The following IQCE variants were observed in gnomAD, a reference collection of about 807,000 sequenced individuals.
The protein encoded by IQCE is IQ motif containing E, also known as IQ domain-containing protein E.
Under a neutral mutation model 96.0 loss-of-function variants are expected in IQCE, and 115 were observed. The ratio of observed to expected loss-of-function variants is 1.20; its 90% CI spans 1.03 to 1.40. The LOEUF (loss-of-function observed/expected upper bound fraction) is 1.40, where lower values mean the gene tolerates loss of function less well. Among genes scored for constraint, IQCE ranks in the 40% most tolerant of loss-of-function variants. The probability of loss-of-function intolerance (pLI) is 0.00; values close to 1 mark genes in which losing one functional copy is unlikely to be tolerated. For synonymous variants in IQCE, 412 were observed against 371.2 expected (o/e 1.11, Z -1.26); for missense variants, 1,041 against 909.1 (o/e 1.15, Z -1.87).
In IQCE at chr7:2,594,871, C is replaced by A; in HGVS notation, c.1350-15C>A. 1 of 1,568,170 alleles carries A rather than the reference C, an allele frequency of 6.4e-7. No homozygotes were observed. On this transcript the variant is annotated splice_polypyrimidine_tract_variant and intron_variant, in intron 15 of 21. Transcript: ENST00000402050. ...TGACAGGTGAGGTGTCTCATCTTTT[C>A]CCTTTCCGCCTTAGAGAGGAGATTC...
At chr7:2,583,100 C>G (rs1341380350) in intron 9 of IQCE, among the ~76,000 whole-genome samples, 2 of 152,174 alleles carry the variant, frequency 1.3e-5, no homozygotes, top group African/African-American at 2.4e-5. Context: ...CCCCTCGTTT[C>G]CTGCCGAATT....
intron 18 of IQCE, among the ~76,000 whole-genome samples, chr7:2,603,902 G>T (rs1042524891): frequency 1.3e-5 from 2 of 152,062 alleles, no homozygotes; most frequent in Non-Finnish European, 2.9e-5. Context: ...TATCAGGCTG[G>T]GAGGGTTCAC....
intron 15 of IQCE, among the ~76,000 whole-genome samples, chr7:2,594,354 A>G (rs1783851445): frequency 7.4e-6 from 1 of 134,666 alleles, no homozygotes; most frequent in African/African-American, 2.9e-5. Context: ...GAAAGGGCAC[A>G]TGTGCAGAAA....
chr7:2,569,107 T>C, intron 3 of IQCE, 108 bp downstream of exon 3: 1 of 1,069,624 alleles, frequency 9.3e-7, no homozygotes, highest in Non-Finnish European at 1.4e-6. Context: ...ACCTGACGCC[T>C]CAGCCAGTTG....
intron 18 of IQCE, among the ~76,000 whole-genome samples, chr7:2,602,910 C>T (rs1014003258): frequency 2.6e-5 from 4 of 152,344 alleles, no homozygotes; most frequent in African/African-American, 7.2e-5. Flanking sequence ...CACAGCCACA[C>T]GAGCGCCCTC....
rs757748103 is a variant in IQCE, at chr7:2,607,153, C to A, written c.1895C>A (p.Ala632Asp). Residue 632 changes from alanine (A) to aspartate (D), a missense_variant, in exon 21 of 22, where the codon GCT (alanine) becomes GAT (aspartate). Transcript: ENST00000402050. ...ACCGGTAAAAGAACCACCACCGCAG[C>A]TTCTACCAGGAGGAGATCGGCTTCA... ...SATGKRTTTA[A>D]STRRRSASAT... The A allele has an allele frequency of 2.5e-5, 41 of 1,609,030 alleles. No homozygotes were observed. The highest frequency in any genetic ancestry group is 3.1e-5 in the Non-Finnish European group (37 of 1,178,112).
At chr7:2,588,403 G>C (rs1239867598) in intron 13 of IQCE, among the ~76,000 whole-genome samples, 1 of 151,106 alleles carries the variant, frequency 6.6e-6, no homozygotes, top group African/African-American at 2.4e-5. Flanking sequence ...CCCCAGGCTG[G>C]AGTGCAGTGG....
In IQCE at chr7:2,571,527, G is replaced by A. The variant is rs774561544; in HGVS notation, c.132G>A (p.Lys44=). ...AFHKPPPTSP[K]SPYLSKPRKV... ...GAATCCACGTGTTGGCTTTTCCAGA[G>A]TCACCTTATCTCTCTAAGCCGAGAA... The change falls in exon 4 of 22, where the codon AAG becomes AAA. Residue 44 remains lysine, a splice_region_variant and synonymous_variant. Transcript: ENST00000402050. The A allele has an allele frequency of 6.2e-7, 1 of 1,606,324 alleles. No individual in the cohort carries two copies. The highest frequency in any genetic ancestry group is 8.5e-7 in the Non-Finnish European group (1 of 1,179,956).
Position 2,559,152 on chromosome 7 carries a change from C to T in IQCE, c.-30C>T. 2.5e-6 allele frequency: 3 copies of T among 1,212,956 alleles called. No homozygotes were observed. Among genetic ancestry groups the T allele is most frequent in the Non-Finnish European group, 3.1e-6 (3 of 975,206 alleles). The allele number at this position is 1,212,956 out of a possible 1,614,324, so 75.1% of individuals were successfully genotyped here. A position where few individuals can be genotyped will look rare whatever the true frequency, so the allele number is the denominator to read the frequency against. On this transcript the variant is annotated 5_prime_UTR_variant, in exon 1 of 22. Coordinates refer to ENST00000402050, the MANE Select transcript of IQCE (RefSeq NM_152558.5). ...AGACCCGGACGCCCGAGCCAGCAAC[C>T]CTGAGGGGCGGCCGGGCAGCGCCGC...
intron 21 of IQCE, among the ~76,000 whole-genome samples, chr7:2,608,911 T>G (rs921197657): frequency 7.2e-5 from 11 of 152,256 alleles, no homozygotes; most frequent in Admixed American, 4.6e-4. Context: ...CCCTTTAATA[T>G]GAATTTTCTT....
At chr7:2,586,157 G>A (rs760167231) in intron 11 of IQCE, 51 bp from the exon 12 acceptor site, 20 of 1,550,538 alleles carry the variant, frequency 1.3e-5, no homozygotes, top group Middle Eastern at 1.7e-4. Context: ...TCAAGCATGT[G>A]TGAAACCAGC....
intron 1 of IQCE, chr7:2,559,446 A>C: frequency 3.6e-6 from 1 of 279,218 alleles, no homozygotes; most frequent in Non-Finnish European, 6.6e-6. Context: ...CGCTTCCAGG[A>C]AGCTCTCCGG....
At chr7:2,589,848 T>G (rs1783439735) in intron 13 of IQCE, 59 bp from the exon 14 acceptor site, 8 of 1,533,148 alleles carry the variant, frequency 5.2e-6, no homozygotes, top group South Asian at 2.2e-5. Flanking sequence ...TTTCTGGGTT[T>G]GGTAAATAGA....
intron 6 of IQCE, among the ~76,000 whole-genome samples, chr7:2,576,004 A>G (rs1418040446): frequency 1.3e-5 from 2 of 152,174 alleles, no homozygotes; most frequent in African/African-American, 4.8e-5. Flanking sequence ...TAGAGCTCCC[A>G]TCTTCCTTGA....
At chr7:2,579,887 G>GACTATAGGCACGTGCC (rs1782534027) in intron 8 of IQCE, among the ~76,000 whole-genome samples, 1 of 151,824 alleles carries the variant, frequency 6.6e-6, no homozygotes, top group Admixed American at 6.6e-5. Context: ...GAGTACCCGG[G>GACTATAGGCACGTGCC]ACTACAGGCA....
At chr7:2,603,624 C>T (rs183505110) in intron 18 of IQCE, among the ~76,000 whole-genome samples, 73 of 152,310 alleles carry the variant, frequency 4.8e-4, no homozygotes, top group Middle Eastern at 3.4e-3. Flanking sequence ...CTCACCCCTC[C>T]GGCTGGTGCA....
chr7:2,582,184 A>C, intron 8 of IQCE: 1 of 411,296 alleles, frequency 2.4e-6, no homozygotes, highest in Non-Finnish European at 4.8e-6. Flanking sequence ...CCCCATGGAG[A>C]CTGAACTGGG....
At chr7:2,605,284 T>C (rs1784719908) in intron 19 of IQCE, among the ~76,000 whole-genome samples, 1 of 152,226 alleles carries the variant, frequency 6.6e-6, no homozygotes, top group South Asian at 2.1e-4. Flanking sequence ...TGCAGGCCAT[T>C]GCGGCCCCTC....
chr7:2,598,314 G>C (rs1784197871), intron 16 of IQCE, 151 bp from the exon 17 acceptor site: 2 of 697,798 alleles, frequency 2.9e-6, no homozygotes, highest in South Asian at 4.5e-5. Context: ...GTGGTCTGCA[G>C]ACCAGTGTGG....
Sources: allele counts gnomAD v4.1 joint callset (sites outside exome capture counted in the v4.1 genomes callset), GRCh38; gene constraint gnomAD v4.1.1; transcripts MANE v1.5; gene names NCBI Gene and HGNC (gene_info 2026-07-23, HGNC 2026-07-21).